Variants in PRUNE2 observed in about 807,000 individuals in gnomAD.
The protein encoded by PRUNE2 is protein prune homolog 2.
Under a neutral mutation model 252.0 loss-of-function variants are expected in PRUNE2, and 164 were observed. The ratio of observed to expected loss-of-function variants is 0.65; its 90% CI spans 0.57 to 0.74. The LOEUF is 0.74. Among genes scored for constraint, PRUNE2 ranks in the 30% least tolerant of loss-of-function variants. The pLI is 0.00. For missense variants in PRUNE2, 3,495 were observed against 3,711.0 expected, an observed-to-expected ratio of 0.94 and a Z score of 1.51; for synonymous variants, 1,292 against 1,350.2, an observed-to-expected ratio of 0.96 and a Z score of 0.94.
intron 6 of PRUNE2, among the ~76,000 whole-genome samples, chr9:76,731,917 A>G (rs564711871): frequency 4.6e-5 from 7 of 152,322 alleles, no homozygotes; most frequent in Non-Finnish European, 8.8e-5. Context: ...TCCTTTGCTT[A>G]TAGTAAAGGA....
At chr9:76,656,398 C>T (rs965790635) in intron 9 of PRUNE2, among the ~76,000 whole-genome samples, 1 of 152,116 alleles carries the variant, frequency 6.6e-6, no homozygotes, top group African/African-American at 2.4e-5. Flanking sequence ...TGGGCACTAA[C>T]CTAATTTTAA....
chr9:76,877,263 G>T (rs1589725052), intron 1 of PRUNE2, among the ~76,000 whole-genome samples: 1 of 152,030 alleles, frequency 6.6e-6, no homozygotes, highest in Non-Finnish European at 1.5e-5. Flanking sequence ...CCAGCACTTT[G>T]GTAGGCCAAG....
At chr9:76,879,903 ATTTTTTTTTTTT>A (rs71354691) in intron 1 of PRUNE2, among the ~76,000 whole-genome samples, 1 of 31,004 alleles carries the variant, frequency 3.2e-5, no homozygotes, top group Admixed American at 5.3e-4. Context: ...ATATATATAT[ATTTTTTTTTTTT>A]TTTTTTTTTT....
chr9:76,773,680 G>C (rs1474785674), intron 6 of PRUNE2, among the ~76,000 whole-genome samples: 1 of 152,110 alleles, frequency 6.6e-6, no homozygotes, highest in African/African-American at 2.4e-5. Flanking sequence ...CTGACCTCAG[G>C]TGATCCACCT....
Position 76,740,744 on chromosome 9 carries a change from C to T in PRUNE2, c.757-27023G>A, listed in dbSNP as rs187690829. On this transcript the variant is annotated intron_variant, in intron 6 of 18. Coordinates refer to ENST00000376718, the MANE Select transcript of PRUNE2 (RefSeq NM_015225.3). ...TAAATTTTAATATTTAATTAGAATT[C>T]CCTCTTAGCTAGTGATCGAGGTAGA... 4.7e-3 allele frequency among the ~76,000 whole-genome samples: 718 copies of T among 152,216 alleles called. 7 individuals carry two copies. The highest frequency in any genetic ancestry group is 8.0e-3 in the Non-Finnish European group (542 of 68,010).
chr9:76,794,326 GCGGCCTCCGAGCGAGCGCGGT>G (rs781446289), intron 6 of PRUNE2, among the ~76,000 whole-genome samples: 1 of 152,172 alleles, frequency 6.6e-6, no homozygotes, highest in Non-Finnish European at 1.5e-5. Flanking sequence ...GGCAAAGAGC[GCGGCCTCCGAGCGAGCGCGGT>G]CGCTCACGCC....
intron 1 of PRUNE2, among the ~76,000 whole-genome samples, chr9:76,875,550 G>A (rs1268886360): frequency 6.6e-6 from 1 of 152,018 alleles, no homozygotes; most frequent in Non-Finnish European, 1.5e-5. Context: ...ATTTTTAGTA[G>A]AGACGGGGTT....
intron 6 of PRUNE2, among the ~76,000 whole-genome samples, chr9:76,797,669 GC>G (rs900403103): frequency 6.7e-6 from 1 of 150,018 alleles, no homozygotes; most frequent in Non-Finnish European, 1.5e-5. Context: ...ATCTTGAACC[GC>G]CCCCCACCCT....
In PRUNE2 at chr9:76,637,472, C is replaced by T. The variant is rs760308667; in HGVS notation, c.8909G>A (p.Arg2970Lys). 6.2e-7 allele frequency: 1 copy of T among 1,613,600 alleles called. No homozygotes were observed. Among genetic ancestry groups the T allele is most frequent in the Non-Finnish European group, 8.5e-7 (1 of 1,179,674 alleles). ...CATCCAGCCTAGCCCTGGCATCCTCCTTCTTGGGGTTGCACCATTCAAGTA... is the reference window on the plus strand; with the variant it reads ...CATCCAGCCTAGCCCTGGCATCCTCTTTCTTGGGGTTGCACCATTCAAGTA... ...IVYLNGATPR[R>K]RMPGLGWMKK... The change falls in exon 14 of 19, where the codon AGG becomes AAG. Residue 2970 changes from arginine to lysine, a missense_variant. Arg to Lys is a conservative substitution (Grantham distance 26, BLOSUM62 2). Coordinates refer to ENST00000376718, the MANE Select transcript of PRUNE2 (RefSeq NM_015225.3).
intron 1 of PRUNE2, among the ~76,000 whole-genome samples, chr9:76,903,575 T>C (rs2133777157): frequency 6.6e-6 from 1 of 152,236 alleles, no homozygotes; most frequent in South Asian, 2.1e-4. Context: ...TTTAAAAATC[T>C]TACTATTTTA....
intron 6 of PRUNE2, among the ~76,000 whole-genome samples, chr9:76,750,878 A>T (rs906092602): frequency 6.6e-6 from 1 of 152,220 alleles, no homozygotes; most frequent in African/African-American, 2.4e-5. Flanking sequence ...GAAGTTGCTA[A>T]TGCAAACCTA....
At position 76,612,157 on chromosome 9, in the gene PRUNE2, A is replaced by C. The variant is rs965874927; in HGVS notation, c.*2413T>G. On this transcript the variant is annotated 3_prime_UTR_variant, in exon 19 of 19. Transcript: ENST00000376718. ...AAGATAATAAAATAGCAGATACCTAAATATCAGAGTGGTTATGCAGCCTAC... is the reference window on the plus strand; with the variant it reads ...AAGATAATAAAATAGCAGATACCTACATATCAGAGTGGTTATGCAGCCTAC... The C allele has an allele frequency of 1.3e-5, 2 of 152,200 alleles. No individual in the cohort carries two copies. Among genetic ancestry groups the C allele is most frequent in the Non-Finnish European group, 2.9e-5 (2 of 68,032 alleles). 9.4% of individuals were successfully genotyped at this position (152,200 alleles called of 1,614,324 possible).
intron 6 of PRUNE2, among the ~76,000 whole-genome samples, chr9:76,794,826 C>G (rs2055930466): frequency 6.6e-6 from 1 of 151,942 alleles, no homozygotes; most frequent in South Asian, 2.1e-4. Flanking sequence ...TGGAGTGGCC[C>G]TAAGAATTAA....
At chr9:76,859,997 G>A (rs541088766) in intron 1 of PRUNE2, among the ~76,000 whole-genome samples, 28 of 152,280 alleles carry the variant, frequency 1.8e-4, no homozygotes, top group Non-Finnish European at 2.5e-4. Context: ...CACCACGCCC[G>A]GCCTGAAGCC....
intron 6 of PRUNE2, among the ~76,000 whole-genome samples, chr9:76,720,458 T>C (rs2047535729): frequency 6.6e-6 from 1 of 152,206 alleles, no homozygotes; most frequent in Non-Finnish European, 1.5e-5. Context: ...AATCAGTTAC[T>C]TCATTTTCAT....
At chr9:76,722,224 ATTTTT>A (rs57390775) in intron 6 of PRUNE2, among the ~76,000 whole-genome samples, 1 of 130,556 alleles carries the variant, frequency 7.7e-6, no homozygotes, top group Non-Finnish European at 1.7e-5. Context: ...ACACCCTGCT[ATTTTT>A]TTTTTTTTTT....
chr9:76,691,733 C>T (rs187226415), intron 9 of PRUNE2, among the ~76,000 whole-genome samples: 10 of 152,310 alleles, frequency 6.6e-5, no homozygotes, highest in Admixed American at 4.6e-4. Context: ...AAATCTGTCA[C>T]TTCCTTTTAT....
In PRUNE2 at chr9:76,614,240, G is replaced by A; in HGVS notation, c.*330C>T. On this transcript the variant is annotated 3_prime_UTR_variant, in exon 19 of 19. Coordinates refer to ENST00000376718, the MANE Select transcript of PRUNE2 (RefSeq NM_015225.3). ...AACAAATCCACTCATACTTAACAGT[G>A]GATTAAAGGTATCTTACTGGTAAAC... is the stretch of plus-strand genomic sequence containing the variant. 6.0e-6 allele frequency: 2 copies of A among 333,586 alleles called. No individual in the cohort carries two copies. Among genetic ancestry groups the A allele is most frequent in the Non-Finnish European group, 1.1e-5 (2 of 183,612 alleles). The allele number at this position is 333,586 out of a possible 1,614,324, so 20.7% of individuals were successfully genotyped here.
chr9:76,880,469 G>A (rs566023625), intron 1 of PRUNE2, among the ~76,000 whole-genome samples: 3 of 152,308 alleles, frequency 2.0e-5, no homozygotes, highest in East Asian at 1.9e-4. Context: ...AAGCAGTGGT[G>A]AGTAAAACTG....
Sources: allele counts gnomAD v4.1 joint callset (sites outside exome capture counted in the v4.1 genomes callset), GRCh38; gene constraint gnomAD v4.1.1; transcripts MANE v1.5; gene names NCBI Gene and HGNC (gene_info 2026-07-23, HGNC 2026-07-21).